The following TTC6 variants were observed in gnomAD, a reference collection of about 807,000 sequenced individuals.
TTC6 encodes the protein tetratricopeptide repeat domain 6.
TTC6 carries 172 observed loss-of-function variants against 210.4 expected under a neutral mutation model. The ratio of observed to expected loss-of-function variants is 0.82; its 90% confidence interval spans 0.72 to 0.93. The LOEUF (loss-of-function observed/expected upper bound fraction) is 0.93, where lower values mean the gene tolerates loss of function less well. Among genes scored for constraint, TTC6 ranks in the 40% least tolerant of loss-of-function variants. TTC6 has a pLI of 0.00. For synonymous variants in TTC6, 804 were observed against 819.6 expected, an observed-to-expected ratio of 0.98 and a Z score of 0.32; for missense variants, 2,414 against 2,318.1, an observed-to-expected ratio of 1.04 and a Z score of -0.85.
At position 37,719,610 on chromosome 14, in the gene TTC6, C is replaced by T. The variant is rs372788970; in HGVS notation, c.1713+4814C>T. On this transcript the variant is annotated intron_variant, in intron 6 of 30. Transcript: ENST00000553443. Reference sequence around the variant, plus strand: ...AAATTATTCAATGGTGTAGGATAGTCTTTTCAAACAATTGTTGCTCAATCA... The same window carrying T: ...AAATTATTCAATGGTGTAGGATAGTTTTTTCAAACAATTGTTGCTCAATCA... Among the ~76,000 whole-genome samples the T allele has an allele frequency of 2.9e-3, 435 of 152,156 alleles. 3 individuals carry two copies. The highest frequency in any genetic ancestry group is 8.7e-3 in the African/African-American group (361 of 41,524).
chr14:37,738,842 A>T, exon 10 of TTC6: 2 of 1,534,064 alleles, frequency 1.3e-6, no homozygotes, highest in Non-Finnish European at 1.7e-6. Context: ...CAAGAATGAT[A>T]TGCAAAGCAG....
At chr14:37,841,366 A>C (rs1407548686) in intron 29 of TTC6, 79 bp from the exon 32 acceptor site, 8 of 1,259,512 alleles carry the variant, frequency 6.4e-6, no homozygotes, top group Admixed American at 2.7e-5. Context: ...CCTTAATTTA[A>C]AATTAAGAGT....
intron 6 of TTC6, among the ~76,000 whole-genome samples, chr14:37,724,239 G>A (rs1434301311): frequency 6.6e-6 from 1 of 151,424 alleles, no homozygotes. Context: ...GCAGTTACTG[G>A]TACAATTATA....
At chr14:37,682,994 A>C in intron 3 of TTC6, 30 bp downstream of exon 5, 1 of 1,524,382 alleles carries the variant, frequency 6.6e-7, no homozygotes, top group Non-Finnish European at 8.8e-7. Flanking sequence ...GGAAACACCT[A>C]AGAGTTATGA....
intron 6 of TTC6, among the ~76,000 whole-genome samples, chr14:37,721,955 G>A (rs1170592906): frequency 6.8e-6 from 1 of 146,490 alleles, no homozygotes; most frequent in East Asian, 2.0e-4. Flanking sequence ...TTCCCCCTCA[G>A]TGCAAATGTT....
chr14:37,652,782 T>C (rs188788957), intron 1 of TTC6, among the ~76,000 whole-genome samples: 58 of 152,318 alleles, frequency 3.8e-4, no homozygotes, highest in African/African-American at 1.2e-3. Context: ...ATATAATGAT[T>C]TATTGCTTTG....
At position 37,767,242 on chromosome 14, in the gene TTC6, T is replaced by C. The variant is rs544522353; in HGVS notation, c.3266+14007T>C. On this transcript the variant is annotated intron_variant, in intron 14 of 30. Coordinates refer to ENST00000553443, the Ensembl canonical transcript of TTC6. ...GGTTCCAAGTCTTTGCTATTGTGAA[T>C]AATGCCGCAGTAAACATACGTGTGC... Among the ~76,000 whole-genome samples, 3 of 152,320 alleles carry C rather than the reference T, an allele frequency of 2.0e-5. No homozygotes were observed. The East Asian group carries it at 5.8e-4, about 29-fold the overall frequency.
chr14:37,726,976 T>C (rs2095874219), intron 7 of TTC6, among the ~76,000 whole-genome samples: 1 of 152,010 alleles, frequency 6.6e-6, no homozygotes, highest in Non-Finnish European at 1.5e-5. Context: ...TTTTAGAAAG[T>C]AGTTTTTTCT....
intron 1 of TTC6, among the ~76,000 whole-genome samples, chr14:37,633,938 C>G (rs938098422): frequency 6.6e-6 from 1 of 152,186 alleles, no homozygotes; most frequent in African/African-American, 2.4e-5. Context: ...TTGGTAGTAA[C>G]AGGGGAAGTG....
chr14:37,841,151 G>T (rs1024152983), intron 29 of TTC6, among the ~76,000 whole-genome samples: 3 of 152,204 alleles, frequency 2.0e-5, no homozygotes, highest in Non-Finnish European at 4.4e-5. Context: ...TTACAGACGT[G>T]AGCCACTGCA....
At chr14:37,642,885 T>C (rs1040166621) in intron 1 of TTC6, among the ~76,000 whole-genome samples, 2 of 152,248 alleles carry the variant, frequency 1.3e-5, no homozygotes, top group Non-Finnish European at 2.9e-5. Flanking sequence ...GTGTAACTAA[T>C]GTATCTAAAC....
In TTC6 at chr14:37,842,213, T is replaced by C. The variant is rs571055460; in HGVS notation, c.5583T>C (p.Gly1861=). 1.6e-4 allele frequency: 265 copies of C among 1,609,674 alleles called. 1 individual carries two copies. In the South Asian group the frequency reaches 1.8e-3, roughly 11 times the overall value. ...ATAATTTTAGAGCAAAAGTTCGTGG[T>C]AAAATAGGTCTGATTGAGGAAGCTA... The change falls in exon 31 of 31, where the codon GGT becomes GGC. Residue 1861 remains glycine (G), a synonymous_variant. Coordinates refer to ENST00000553443, the Ensembl canonical transcript of TTC6.
intron 1 of TTC6, among the ~76,000 whole-genome samples, chr14:37,662,815 G>C (rs2095740064): frequency 6.6e-6 from 1 of 152,072 alleles, no homozygotes; most frequent in Non-Finnish European, 1.5e-5. Context: ...CTGTAGCCCT[G>C]TAGTATAGTT....
intron 1 of TTC6, among the ~76,000 whole-genome samples, chr14:37,642,986 C>G (rs1034631355): frequency 1.3e-5 from 2 of 152,204 alleles, no homozygotes; most frequent in African/African-American, 4.8e-5. Context: ...TGAAATGTCA[C>G]TATGTGGCAC....
At chr14:37,719,101 T>C (rs535364859) in intron 6 of TTC6, among the ~76,000 whole-genome samples, 9 of 152,294 alleles carry the variant, frequency 5.9e-5, no homozygotes, top group Non-Finnish European at 1.3e-4. Flanking sequence ...TAAAACTGTA[T>C]CATTTATAAT....
intron 3 of TTC6, among the ~76,000 whole-genome samples, chr14:37,683,264 G>C (rs542380605): frequency 2.0e-5 from 3 of 152,240 alleles, no homozygotes; most frequent in African/African-American, 7.2e-5. Flanking sequence ...TTACCATCTC[G>C]AGGAAGTCAG....
intron 5 of TTC6, among the ~76,000 whole-genome samples, chr14:37,710,448 A>G (rs572412272): frequency 6.6e-6 from 1 of 152,126 alleles, no homozygotes; most frequent in Admixed American, 6.6e-5. Context: ...CTCTGGCCTC[A>G]TGGGAGACCA....
chr14:37,730,101 G>A (rs1017892343), intron 7 of TTC6, among the ~76,000 whole-genome samples: 1 of 152,120 alleles, frequency 6.6e-6, no homozygotes, highest in Non-Finnish European at 1.5e-5. Context: ...TCATTTCACC[G>A]GAACTGGCAT....
intron 7 of TTC6, among the ~76,000 whole-genome samples, chr14:37,733,670 C>G (rs2095893958): frequency 6.6e-6 from 1 of 152,104 alleles, no homozygotes; most frequent in Non-Finnish European, 1.5e-5. Flanking sequence ...CCTATAGTTT[C>G]ACTATGATGT....
Sources: gnomAD v4.1 joint callset for allele counts (sites outside exome capture counted in the v4.1 genomes callset) on GRCh38, gnomAD v4.1.1 for gene constraint, MANE v1.5 for transcripts, NCBI Gene and HGNC (gene_info 2026-07-23, HGNC 2026-07-21) for gene names.